Variants in OOSP1 observed in about 807,000 individuals in gnomAD.
OOSP1 encodes the protein putative oocyte-secreted protein 1 homolog.
OOSP1 carries 11 observed loss-of-function variants against 5.7 expected under a neutral mutation model. The observed-to-expected ratio is 1.94, with a 90% confidence interval of 1.22 to 3.20. OOSP1 has a LOEUF of 3.20. Ranked by LOEUF, OOSP1 falls within the 30% of genes most tolerant of loss-of-function variation. The pLI is 0.00. For missense variants in OOSP1, 83 were observed against 54.1 expected, an observed-to-expected ratio of 1.53 and a Z score of -1.67; for synonymous variants, 44 against 20.0, an observed-to-expected ratio of 2.20 and a Z score of -3.20.
intron 4 of OOSP1, among the ~76,000 whole-genome samples, chr11:59,950,098 A>C (rs1357187231): frequency 6.6e-6 from 1 of 152,206 alleles, no homozygotes; most frequent in African/African-American, 2.4e-5. Flanking sequence ...GTTCAGGTCA[A>C]TTGATCTAAA....
chr11:59,943,443 T>A lies in OOSP1; in HGVS notation c.258+415T>A, dbSNP rs185674480. On this transcript the variant is annotated intron_variant, in intron 2 of 4. Transcript: ENST00000646685. ...GAAGTCATTAAGTGTCTATTTGTAA[T>A]ATGGCTAGACTCTTTAATGATCACA... Among the ~76,000 whole-genome samples the A allele has an allele frequency of 1.2e-3, 186 of 152,272 alleles. 2 individuals are homozygous for A. Among genetic ancestry groups the A allele is most frequent in the Non-Finnish European group, 2.5e-4 (17 of 68,030 alleles).
At chr11:59,938,481 G>C (rs200078809) in exon 1 of OOSP1, 54 of 627,760 alleles carry the variant, frequency 8.6e-5, no homozygotes, top group Admixed American at 7.2e-5. Flanking sequence ...GGTTCAAAGG[G>C]CTCTTTTATC....
chr11:59,940,536 T>C (rs1853814200), intron 1 of OOSP1, among the ~76,000 whole-genome samples: 1 of 152,260 alleles, frequency 6.6e-6, no homozygotes, highest in Non-Finnish European at 1.5e-5. Flanking sequence ...CTTGGAGATT[T>C]ACATTTGTAG....
chr11:59,949,716 C>T (rs977035414), intron 4 of OOSP1, among the ~76,000 whole-genome samples: 1 of 152,116 alleles, frequency 6.6e-6, no homozygotes, highest in African/African-American at 2.4e-5. Context: ...CCCTGGAAAG[C>T]TCCAAATGGA....
intron 3 of OOSP1, among the ~76,000 whole-genome samples, chr11:59,947,503 G>A (rs1853898665): frequency 6.6e-6 from 1 of 152,036 alleles, no homozygotes; most frequent in Non-Finnish European, 1.5e-5. Flanking sequence ...GGTAGATGGT[G>A]GAATCAAGAA....
At chr11:59,940,720 G>A (rs1283713383) in intron 1 of OOSP1, among the ~76,000 whole-genome samples, 1 of 152,152 alleles carries the variant, frequency 6.6e-6, no homozygotes, top group Non-Finnish European at 1.5e-5. Context: ...GAGGCCACAG[G>A]TACAGATCTG....
chr11:59,940,386 T>A (rs1853812741), intron 1 of OOSP1, among the ~76,000 whole-genome samples: 1 of 152,350 alleles, frequency 6.6e-6, no homozygotes, highest in South Asian at 2.1e-4. Context: ...CTTCCCTCTT[T>A]GCCCATATGT....
At chr11:59,953,549 A>T (rs1853961160) in intron 4 of OOSP1, among the ~76,000 whole-genome samples, 1 of 152,106 alleles carries the variant, frequency 6.6e-6, no homozygotes, top group Non-Finnish European at 1.5e-5. Context: ...TGTGCTTTCT[A>T]ATGCGGAGTC....
chr11:59,950,119 C>T (rs1163729965), intron 4 of OOSP1, among the ~76,000 whole-genome samples: 1 of 152,126 alleles, frequency 6.6e-6, no homozygotes, highest in Non-Finnish European at 1.5e-5. Flanking sequence ...GATTTGCAGA[C>T]AGCTAGATAT....
intron 1 of OOSP1, among the ~76,000 whole-genome samples, chr11:59,940,189 A>G (rs1338892942): frequency 6.6e-6 from 1 of 152,260 alleles, no homozygotes; most frequent in African/African-American, 2.4e-5. Flanking sequence ...TTTATTAGGA[A>G]CTATTTAAAA....
intron 4 of OOSP1, among the ~76,000 whole-genome samples, chr11:59,953,040 A>G (rs1466649227): frequency 6.6e-6 from 1 of 151,912 alleles, no homozygotes; most frequent in African/African-American, 2.4e-5. Context: ...GTCTTTTTCT[A>G]TTGGTTTATT....
chr11:59,949,137 T>G, intron 4 of OOSP1: 1 of 177,438 alleles, frequency 5.6e-6, no homozygotes. Flanking sequence ...CAGTTGCTGA[T>G]TCATGCCCTT....
chr11:59,945,750 C>CA (rs67604320), intron 3 of OOSP1, among the ~76,000 whole-genome samples: 14,608 of 45,920 alleles, frequency 0.32, 4,282 homozygotes, highest in South Asian at 0.38. Context: ...GACTCTGTCT[C>CA]AAAAAAAAAA....
At chr11:59,954,509 A>G (rs1468766594) in intron 4 of OOSP1, among the ~76,000 whole-genome samples, 9 of 152,038 alleles carry the variant, frequency 5.9e-5, no homozygotes, top group Non-Finnish European at 1.3e-4. Flanking sequence ...TTCTGCAGAG[A>G]GTATCGTTTT....
chr11:59,947,158 A>G (rs1269511591), intron 3 of OOSP1, among the ~76,000 whole-genome samples: 1 of 152,136 alleles, frequency 6.6e-6, no homozygotes, highest in Non-Finnish European at 1.5e-5. Context: ...GAGCCATATT[A>G]CATAGAGCTC....
chr11:59,950,190 G>A (rs1283972828), intron 4 of OOSP1, among the ~76,000 whole-genome samples: 1 of 152,178 alleles, frequency 6.6e-6, no homozygotes, highest in Non-Finnish European at 1.5e-5. Context: ...AGTGGGAGAT[G>A]CTACTGTCTT....
intron 1 of OOSP1, among the ~76,000 whole-genome samples, chr11:59,941,640 A>G (rs770308371): frequency 6.6e-6 from 1 of 152,130 alleles, no homozygotes; most frequent in Non-Finnish European, 1.5e-5. Flanking sequence ...GCCCTCCTAA[A>G]GTGCTGGGAT....
At chr11:59,938,479 G>A (rs748963192) in exon 1 of OOSP1, 2 of 628,382 alleles carry the variant, frequency 3.2e-6, no homozygotes, top group South Asian at 3.8e-5. Flanking sequence ...GGGGTTCAAA[G>A]GGCTCTTTTA....
chr11:59,938,506 T>C (rs893596208), exon 1 of OOSP1: 9 of 624,006 alleles, frequency 1.4e-5, no homozygotes, highest in Admixed American at 7.1e-5. Context: ...TTCCTTGATA[T>C]GGACCTGCGC....
Sources: gnomAD v4.1 joint callset for allele counts (sites outside exome capture counted in the v4.1 genomes callset) on GRCh38, gnomAD v4.1.1 for gene constraint, MANE v1.5 for transcripts, NCBI Gene and HGNC (gene_info 2026-07-23, HGNC 2026-07-21) for gene names.